Variants in ZDHHC14 observed in about 807,000 individuals in gnomAD.
The protein encoded by ZDHHC14 is zDHHC palmitoyltransferase 14.
ZDHHC14 carries 16 observed loss-of-function variants against 47.7 expected under a neutral mutation model. The ratio of observed to expected loss-of-function variants is 0.34; its 90% CI spans 0.23 to 0.51. The LOEUF is 0.51. Ranked by LOEUF, ZDHHC14 falls within the 20% of genes least tolerant of loss-of-function variation. ZDHHC14 has a pLI of 0.97. For synonymous variants in ZDHHC14, 293 were observed against 278.9 expected, an observed-to-expected ratio of 1.05 and a Z score of -0.50; for missense variants, 515 against 662.5, an observed-to-expected ratio of 0.78 and a Z score of 2.44.
chr6:157,546,000 T>C (rs1031370436), intron 2 of ZDHHC14, among the ~76,000 whole-genome samples: 2 of 152,256 alleles, frequency 1.3e-5, no homozygotes, highest in African/African-American at 4.8e-5. Context: ...ATTCTTCTCT[T>C]TTCCCACTCA....
chr6:157,583,342 G>A (rs1783579809), intron 2 of ZDHHC14, among the ~76,000 whole-genome samples: 1 of 152,104 alleles, frequency 6.6e-6, no homozygotes, highest in African/African-American at 2.4e-5. Flanking sequence ...CATCTGTGTG[G>A]GCTGGTGGTC....
intron 7 of ZDHHC14, among the ~76,000 whole-genome samples, chr6:157,649,541 G>A (rs575801253): frequency 1.1e-3 from 165 of 152,312 alleles, no homozygotes; most frequent in Admixed American, 2.0e-3. Flanking sequence ...GGGCCTTCCC[G>A]GGCATCCCGG....
chr6:157,555,723 A>G lies in ZDHHC14; in HGVS notation c.406+12978A>G, dbSNP rs557355765. On this transcript the variant is annotated intron_variant, in intron 2 of 8. Coordinates refer to ENST00000359775, the MANE Select transcript of ZDHHC14 (RefSeq NM_024630.3). ...GGTTTACAGCCCCTGCCCTGTTGCC[A>G]GATAATTCCTTGTTGTGGGCCCCGC... Among the ~76,000 whole-genome samples, 5 of 152,280 alleles carry G rather than the reference A, an allele frequency of 3.3e-5. No individual in the cohort carries two copies. The East Asian group carries it at 9.6e-4, about 29-fold the overall frequency.
intron 1 of ZDHHC14, among the ~76,000 whole-genome samples, chr6:157,496,854 C>T (rs570740264): frequency 1.3e-5 from 2 of 152,350 alleles, no homozygotes; most frequent in Admixed American, 6.5e-5. Flanking sequence ...CATGAACTGC[C>T]CAAGGGCTTC....
intron 1 of ZDHHC14, among the ~76,000 whole-genome samples, chr6:157,412,106 T>C (rs941089435): frequency 3.3e-5 from 5 of 150,992 alleles, no homozygotes; most frequent in Non-Finnish European, 5.9e-5. Flanking sequence ...GTCCAGCTAA[T>C]TTTTGTATTT....
chr6:157,537,303 AT>A (rs979151557), intron 1 of ZDHHC14, among the ~76,000 whole-genome samples: 2 of 149,780 alleles, frequency 1.3e-5, no homozygotes, highest in African/African-American at 5.0e-5. Context: ...ACTGAAAAAA[AT>A]TCCATATAAT....
intron 1 of ZDHHC14, among the ~76,000 whole-genome samples, chr6:157,495,511 G>C (rs1190444793): frequency 3.3e-5 from 5 of 152,094 alleles, no homozygotes; most frequent in Non-Finnish European, 7.3e-5. Context: ...CACAGCATCA[G>C]AGACCCCAGA....
intron 8 of ZDHHC14, among the ~76,000 whole-genome samples, chr6:157,654,774 C>T (rs1778009477): frequency 6.6e-6 from 1 of 150,594 alleles, no homozygotes; most frequent in Non-Finnish European, 1.5e-5. Flanking sequence ...CTTGCTCTGT[C>T]GCCCAGGCTG....
chr6:157,649,950 GGT>G (rs1777742507), intron 7 of ZDHHC14, among the ~76,000 whole-genome samples: 1 of 150,918 alleles, frequency 6.6e-6, no homozygotes, highest in Non-Finnish European at 1.5e-5. Context: ...AGGCGCTGGG[GGT>G]GCACGGGAGA....
chr6:157,410,889 G>A (rs578190822), intron 1 of ZDHHC14, among the ~76,000 whole-genome samples: 1 of 152,256 alleles, frequency 6.6e-6, no homozygotes, highest in East Asian at 1.9e-4. Context: ...TAGAGACGGG[G>A]TTTCACCATG....
chr6:157,408,324 G>A (rs1453892299), intron 1 of ZDHHC14, among the ~76,000 whole-genome samples: 3 of 151,950 alleles, frequency 2.0e-5, no homozygotes, highest in African/African-American at 7.3e-5. Flanking sequence ...TAAGTTCCGG[G>A]GTACATGTGC....
intron 1 of ZDHHC14, among the ~76,000 whole-genome samples, chr6:157,449,491 T>A (rs1226904075): frequency 6.6e-6 from 1 of 152,208 alleles, no homozygotes; most frequent in Non-Finnish European, 1.5e-5. Context: ...ACAGTTATAA[T>A]AAGACTTCTG....
At chr6:157,611,247 A>G (rs1024095177) in intron 3 of ZDHHC14, among the ~76,000 whole-genome samples, 5 of 152,078 alleles carry the variant, frequency 3.3e-5, no homozygotes, top group Non-Finnish European at 5.9e-5. Context: ...TGATCTGCCC[A>G]CCTCGGCCTC....
intron 3 of ZDHHC14, among the ~76,000 whole-genome samples, chr6:157,607,132 A>G (rs1784568763): frequency 6.6e-6 from 1 of 152,198 alleles, no homozygotes; most frequent in Non-Finnish European, 1.5e-5. Flanking sequence ...GTCATCTCAC[A>G]TATTTATGTA....
At chr6:157,492,239 T>C (rs1779944386) in intron 1 of ZDHHC14, among the ~76,000 whole-genome samples, 1 of 132,670 alleles carries the variant, frequency 7.5e-6, no homozygotes, top group Admixed American at 7.8e-5. Context: ...CTGTGCACTC[T>C]GGAGTCACCG....
At chr6:157,511,323 A>C (rs1262123069) in intron 1 of ZDHHC14, among the ~76,000 whole-genome samples, 1 of 151,998 alleles carries the variant, frequency 6.6e-6, no homozygotes, top group Non-Finnish European at 1.5e-5. Flanking sequence ...AACTACAGCC[A>C]ATCATTCTGT....
At chr6:157,494,588 T>G (rs180910970) in intron 1 of ZDHHC14, among the ~76,000 whole-genome samples, 40 of 152,340 alleles carry the variant, frequency 2.6e-4, no homozygotes, top group African/African-American at 9.1e-4. Flanking sequence ...TGTGAGCAGA[T>G]TTTTATAAAG....
intron 1 of ZDHHC14, among the ~76,000 whole-genome samples, chr6:157,488,671 A>C (rs1028208615): frequency 2.0e-5 from 3 of 152,224 alleles, no homozygotes; most frequent in African/African-American, 4.8e-5. Context: ...TGGTTCATAA[A>C]ATGTCCTATC....
chr6:157,521,616 C>T (rs1780918007), intron 1 of ZDHHC14, among the ~76,000 whole-genome samples: 1 of 152,314 alleles, frequency 6.6e-6, no homozygotes, highest in Middle Eastern at 3.4e-3. Context: ...GGCCTGAACC[C>T]CATTCATGAC....
Sources: allele counts gnomAD v4.1 joint callset (sites outside exome capture counted in the v4.1 genomes callset), GRCh38; gene constraint gnomAD v4.1.1; transcripts MANE v1.5; gene names NCBI Gene and HGNC (gene_info 2026-07-23, HGNC 2026-07-21).